ITGB2: variants seen among roughly 807,000 people sequenced by gnomAD.
The protein encoded by ITGB2 is integrin beta-2.
Under a neutral mutation model 86.8 loss-of-function variants are expected in ITGB2, and 56 were observed. The ratio of observed to expected loss-of-function variants is 0.65; its 90% CI spans 0.52 to 0.81. The LOEUF is 0.81. Among genes scored for constraint, ITGB2 ranks in the 30% least tolerant of loss-of-function variants. ITGB2 has a pLI of 0.00. For missense variants in ITGB2, 948 were observed against 1,061.2 expected, an observed-to-expected ratio of 0.89 and a Z score of 1.48; for synonymous variants, 457 against 450.4, an observed-to-expected ratio of 1.01 and a Z score of -0.19.
intron 1 of ITGB2, among the ~76,000 whole-genome samples, chr21:44,918,210 C>G (rs1467244990): frequency 6.6e-6 from 1 of 152,250 alleles, no homozygotes; most frequent in Non-Finnish European, 1.5e-5. Flanking sequence ...AGCTGGCATT[C>G]TCCTCCGGGA....
chr21:44,892,219 C>T (rs1175196082), intron 10 of ITGB2, among the ~76,000 whole-genome samples: 5 of 152,232 alleles, frequency 3.3e-5, no homozygotes, highest in African/African-American at 1.2e-4. Context: ...ACCAGGATCT[C>T]CCCGGCCACA....
chr21:44,920,652 TG>T (rs2084289551), intron 1 of ITGB2, among the ~76,000 whole-genome samples, 168 bp downstream of exon 1: 1 of 152,192 alleles, frequency 6.6e-6, no homozygotes, highest in Admixed American at 6.5e-5. Context: ...CACTTCCCCT[TG>T]CCGGGTCTCA....
At chr21:44,893,696 T>C (rs2083823615) in intron 9 of ITGB2, 152 bp from the exon 10 acceptor site, 1 of 1,065,308 alleles carries the variant, frequency 9.4e-7, no homozygotes. Flanking sequence ...CAGGATGTGC[T>C]GAGGATGGCA....
intron 1 of ITGB2, among the ~76,000 whole-genome samples, chr21:44,920,241 C>T (rs1466878300): frequency 1.3e-5 from 2 of 151,942 alleles, no homozygotes; most frequent in African/African-American, 4.8e-5. Context: ...CATACATGCA[C>T]ACACACACAC....
At chr21:44,918,347 C>T (rs931681651) in intron 1 of ITGB2, among the ~76,000 whole-genome samples, 24 of 152,250 alleles carry the variant, frequency 1.6e-4, no homozygotes, top group Admixed American at 1.5e-3. Flanking sequence ...TCACGCTGCC[C>T]CATCCACAGA....
chr21:44,887,488 C>A (rs2083715709), intron 14 of ITGB2, among the ~76,000 whole-genome samples: 1 of 152,114 alleles, frequency 6.6e-6, no homozygotes, highest in Admixed American at 6.5e-5. Flanking sequence ...CAGTGCAGTC[C>A]CTGGCCTGGT....
chr21:44,909,670 G>C (rs554134027), intron 3 of ITGB2, among the ~76,000 whole-genome samples: 1 of 152,194 alleles, frequency 6.6e-6, no homozygotes, highest in Non-Finnish European at 1.5e-5. Context: ...ATATGCTCAC[G>C]AAGACATCAT....
At chr21:44,904,798 C>T (rs2084018692) in intron 4 of ITGB2, among the ~76,000 whole-genome samples, 2 of 151,778 alleles carry the variant, frequency 1.3e-5, no homozygotes, top group Admixed American at 1.3e-4. Context: ...ACACCCCACA[C>T]AATGCTAAAC....
At chr21:44,888,394 G>A (rs531063415) in intron 14 of ITGB2, among the ~76,000 whole-genome samples, 21 of 152,368 alleles carry the variant, frequency 1.4e-4, no homozygotes, top group African/African-American at 4.3e-4. Flanking sequence ...GGCCCGGGCC[G>A]TGTGGCATGC....
upstream of ITGB2, among the ~76,000 whole-genome samples, chr21:44,925,833 C>T (rs191035652): frequency 0.01 from 1,579 of 152,290 alleles, 14 homozygotes; most frequent in Middle Eastern, 0.017. Context: ...AATCCCAGCA[C>T]TTTTGGAGGC....
At position 44,886,792 on chromosome 21, in the gene ITGB2, C is replaced by T. The variant is rs2083705163; in HGVS notation, c.2191G>A (p.Asp731Asn). 4 of 1,613,892 alleles carry T rather than the reference C, an allele frequency of 2.5e-6. No homozygotes were observed. Among genetic ancestry groups the T allele is most frequent in the African/African-American group, 1.3e-5 (1 of 74,914 alleles). The change falls in exon 15 of 16, where the codon GAC (aspartate) becomes AAC (asparagine). Residue 731 changes from aspartate to asparagine, a missense_variant. Asp to Asn is a conservative substitution (Grantham distance 23, BLOSUM62 1). Transcript: ENST00000652462. ...TCAAAGCGCCTGTACTCCCGGAGGTCGCTCAGGTGGATCAGAGCCTTCCAG... is the reference window on the plus strand; with the variant it reads ...TCAAAGCGCCTGTACTCCCGGAGGTTGCTCAGGTGGATCAGAGCCTTCCAG... ...VIWKALIHLSDLREYRRFEKE... is the reference protein window; with the variant it reads ...VIWKALIHLSNLREYRRFEKE...
At position 44,907,045 on chromosome 21, in the gene ITGB2, T is replaced by C; in HGVS notation, c.198A>G (p.Pro66=). Residue 66 remains proline, a synonymous_variant, in exon 4 of 16, where the codon CCA becomes CCG. Coordinates refer to ENST00000652462, the MANE Select transcript of ITGB2 (RefSeq NM_000211.5). ...CCGCACAGCCCCTCATGAGCAGCTG[T>C]GGCCGGGTGTCGCAGCGAATGGAGT... ...DPDSIRCDTR[P]QLLMRGCAAD... 1 of 1,612,464 alleles carries C rather than the reference T, an allele frequency of 6.2e-7. No individual in the cohort carries two copies. The highest frequency in any genetic ancestry group is 8.5e-7 in the Non-Finnish European group (1 of 1,178,686).
At chr21:44,891,242 C>T (rs910352263) in intron 11 of ITGB2, among the ~76,000 whole-genome samples, 3 of 152,216 alleles carry the variant, frequency 2.0e-5, no homozygotes, top group Non-Finnish European at 4.4e-5. Context: ...CCCACTTCTC[C>T]CTGAGGTGGG....
At chr21:44,891,716 G>A in intron 11 of ITGB2, 93 bp downstream of exon 11, 2 of 1,413,252 alleles carry the variant, frequency 1.4e-6, no homozygotes, top group Non-Finnish European at 2.0e-6. Context: ...GTGGGGGAAG[G>A]GATGGAGCCA....
At chr21:44,908,800 G>T (rs2084084547) in intron 3 of ITGB2, among the ~76,000 whole-genome samples, 1 of 152,188 alleles carries the variant, frequency 6.6e-6, no homozygotes, top group South Asian at 2.1e-4. Context: ...CCAGGCTGGG[G>T]CAAGGGACAT....
intron 6 of ITGB2, 29 bp from the exon 7 acceptor site, chr21:44,900,504 A>G: frequency 6.2e-7 from 1 of 1,611,744 alleles, no homozygotes; most frequent in Non-Finnish European, 8.5e-7. Flanking sequence ...GGGCAGGGTT[A>G]CCTGCCTCAG....
chr21:44,915,085 G>A (rs925203018), intron 1 of ITGB2, among the ~76,000 whole-genome samples: 21 of 152,084 alleles, frequency 1.4e-4, no homozygotes, highest in African/African-American at 5.1e-4. Flanking sequence ...GTGCAGTGGC[G>A]CGATCTCAGC....
At chr21:44,900,837 T>C (rs754257010) in intron 6 of ITGB2, among the ~76,000 whole-genome samples, 1 of 152,042 alleles carries the variant, frequency 6.6e-6, no homozygotes, top group Non-Finnish European at 1.5e-5. Context: ...GAGTGCAACA[T>C]GGAGGAAAAC....
intron 1 of ITGB2, among the ~76,000 whole-genome samples, chr21:44,926,287 G>A (rs2084372609): frequency 6.6e-6 from 1 of 152,186 alleles, no homozygotes. Context: ...CCCATCTGAT[G>A]TGCCTGTTGC....
Sources: gnomAD v4.1 joint callset for allele counts (sites outside exome capture counted in the v4.1 genomes callset) on GRCh38, gnomAD v4.1.1 for gene constraint, MANE v1.5 for transcripts, NCBI Gene and HGNC (gene_info 2026-07-23, HGNC 2026-07-21) for gene names.